The following CBFA2T3 variants were observed in gnomAD, a reference collection of about 807,000 sequenced individuals.
CBFA2T3 encodes CBFA2/RUNX1 partner transcriptional co-repressor 3.
In CBFA2T3, 31 loss-of-function variants were observed where a neutral mutation model predicts 58.6. The ratio of observed to expected loss-of-function variants is 0.53; its 90% CI spans 0.40 to 0.71. The LOEUF is 0.71. CBFA2T3 is among the 30% of genes least tolerant of loss of function. The pLI is 0.00. For missense variants in CBFA2T3, 1,076 were observed against 963.1 expected, an observed-to-expected ratio of 1.12 and a Z score of -1.55; for synonymous variants, 531 against 421.9, an observed-to-expected ratio of 1.26 and a Z score of -3.17.
intron 1 of CBFA2T3, among the ~76,000 whole-genome samples, chr16:88,960,920 G>A (rs9932459): frequency 0.18 from 27,491 of 152,200 alleles, 2,666 homozygotes; most frequent in Middle Eastern, 0.32. Flanking sequence ...TCAGATAAAC[G>A]ATAACTGATT....
chr16:88,899,174 T>C (rs1970006279), intron 2 of CBFA2T3, among the ~76,000 whole-genome samples: 2 of 150,690 alleles, frequency 1.3e-5, no homozygotes, highest in Admixed American at 1.3e-4. Flanking sequence ...CCGTTCAGAC[T>C]CAGTCTCCCA....
intron 1 of CBFA2T3, among the ~76,000 whole-genome samples, chr16:88,949,483 C>T (rs987064638): frequency 2.1e-4 from 32 of 151,312 alleles, no homozygotes; most frequent in Non-Finnish European, 3.8e-4. Flanking sequence ...CACTTGAACC[C>T]GGGAGGCGGA....
intron 1 of CBFA2T3, among the ~76,000 whole-genome samples, chr16:88,969,147 C>T (rs2067792): frequency 6.6e-6 from 1 of 152,038 alleles, no homozygotes; most frequent in Non-Finnish European, 1.5e-5. Flanking sequence ...GCCCGGATGC[C>T]GCCGGGGTCA....
chr16:88,875,602 TGA>T lies in CBFA2T3; in HGVS notation c.*1372_*1373del, dbSNP rs1968800332. The T allele has an allele frequency of 4.3e-6, 1 of 232,258 alleles. No homozygotes were observed. The highest frequency in any genetic ancestry group is 8.5e-6 in the Non-Finnish European group (1 of 117,814). The allele number at this position is 232,258 out of a possible 1,614,324, so 14.4% of individuals were successfully genotyped here. On this transcript the variant is annotated 3_prime_UTR_variant, in exon 12 of 12. Coordinates refer to ENST00000268679, the MANE Select transcript of CBFA2T3 (RefSeq NM_005187.6). ...GAGGTTGGAGTTGGGGCGATGGGGCTGAGAGAGGTCGGAGCTGGGGTGAGGGG... is the reference window on the plus strand; with the variant it reads ...GAGGTTGGAGTTGGGGCGATGGGGCTGAGAGGTCGGAGCTGGGGTGAGGGG...
At chr16:88,951,384 A>T (rs925898722) in intron 1 of CBFA2T3, 3 of 453,938 alleles carry the variant, frequency 6.6e-6, no homozygotes, top group East Asian at 1.4e-4. Flanking sequence ...TTTCCTTATC[A>T]TACAATTCTT....
At chr16:88,936,238 G>A (rs1276302354) in intron 1 of CBFA2T3, among the ~76,000 whole-genome samples, 1 of 152,128 alleles carries the variant, frequency 6.6e-6, no homozygotes, top group Non-Finnish European at 1.5e-5. Flanking sequence ...GCATTTCCTG[G>A]GCGTCTCCCA....
intron 2 of CBFA2T3, 65 bp from the exon 3 acceptor site, chr16:88,898,217 G>A: frequency 8.0e-7 from 1 of 1,248,748 alleles, no homozygotes; most frequent in South Asian, 1.2e-5. Context: ...TGCCCTCAGG[G>A]GCGCCCGCGG....
intron 1 of CBFA2T3, chr16:88,941,118 G>C: frequency 1.0e-6 from 1 of 983,900 alleles, no homozygotes; most frequent in Middle Eastern, 5.2e-4. Context: ...CCGCCTCCAC[G>C]ACTCAGGGGC....
chr16:88,891,312 G>A (rs567090199), intron 5 of CBFA2T3, among the ~76,000 whole-genome samples: 195 of 152,276 alleles, frequency 1.3e-3, no homozygotes, highest in African/African-American at 4.3e-3. Context: ...AAAACCCTGC[G>A]CTGGCTCTGC....
At chr16:88,949,354 T>C (rs2142833881) in intron 1 of CBFA2T3, among the ~76,000 whole-genome samples, 1 of 151,936 alleles carries the variant, frequency 6.6e-6, no homozygotes, top group South Asian at 2.1e-4. Context: ...AGGTCAGCAG[T>C]TCAAAACCAG....
chr16:88,892,320 G>T lies in CBFA2T3; in HGVS notation c.545C>A (p.Thr182Asn). 2 of 1,613,112 alleles carry T rather than the reference G, an allele frequency of 1.2e-6. No homozygotes were observed. The highest frequency in any genetic ancestry group is 1.1e-5 in the South Asian group (1 of 91,064). ...RQLSKLKRFL[T>N]TLQQFGSDIS... ...GTCGCTGCCAAACTGCTGCAGTGTG[G>T]TGAGGAAGCGCTTGAGCTTGCTGAG... The change falls in exon 4 of 12, where the codon ACC becomes AAC. Residue 182 changes from threonine (T) to asparagine (N), a missense_variant. Physicochemically the swap from Thr to Asn is moderately conservative, Grantham distance 65. Coordinates refer to ENST00000268679, the MANE Select transcript of CBFA2T3 (RefSeq NM_005187.6).
chr16:88,882,514 G>A (rs1012253810), intron 8 of CBFA2T3, among the ~76,000 whole-genome samples, 162 bp downstream of exon 8: 1 of 148,790 alleles, frequency 6.7e-6, no homozygotes, highest in Non-Finnish European at 1.5e-5. Flanking sequence ...TGGCTGTGTG[G>A]GCGTGGCTTG....
intron 1 of CBFA2T3, among the ~76,000 whole-genome samples, chr16:88,944,393 G>A (rs941505798): frequency 2.7e-5 from 4 of 150,340 alleles, no homozygotes; most frequent in Admixed American, 6.6e-5. Context: ...GCATGGCAGC[G>A]TTTCCAAGTA....
intron 1 of CBFA2T3, among the ~76,000 whole-genome samples, chr16:88,933,082 C>T (rs953486362): frequency 6.6e-6 from 1 of 152,240 alleles, no homozygotes; most frequent in African/African-American, 2.4e-5. Context: ...TGATGGAAGT[C>T]CGCACGCCCA....
intron 1 of CBFA2T3, among the ~76,000 whole-genome samples, chr16:88,944,200 G>T (rs543343863): frequency 6.7e-4 from 102 of 152,068 alleles, no homozygotes; most frequent in African/African-American, 2.4e-3. Context: ...AGCCGGGCGT[G>T]GTTGCAGGTG....
rs1972124458 is a variant in CBFA2T3 at position 88,953,171 on chromosome 16, G to T, written c.151+23486C>A. ...GGAGGAATGAGGAGTGCCGTGCCTG[G>T]GCTGGGCCATCGCCTCTCTCCCTCG... On this transcript the variant is annotated intron_variant, in intron 1 of 11. Coordinates refer to ENST00000268679, the MANE Select transcript of CBFA2T3 (RefSeq NM_005187.6). This position sits in a 1 kb window ranked among gnomAD's most constrained non-coding sequence, Gnocchi z 4.9. Among the ~76,000 whole-genome samples the T allele has an allele frequency of 1.3e-5, 2 of 152,156 alleles. No individual in the cohort carries two copies. The highest frequency in any genetic ancestry group is 2.9e-5 in the Non-Finnish European group (2 of 68,016).
At chr16:88,921,739 C>G (rs964524281) in intron 1 of CBFA2T3, among the ~76,000 whole-genome samples, 6 of 152,250 alleles carry the variant, frequency 3.9e-5, no homozygotes, top group Non-Finnish European at 7.3e-5. Context: ...TTTCCTGAGC[C>G]GTACATCCGC....
intron 1 of CBFA2T3, among the ~76,000 whole-genome samples, chr16:88,923,032 G>A (rs1216421679): frequency 2.0e-5 from 3 of 152,162 alleles, no homozygotes; most frequent in Admixed American, 1.3e-4. Context: ...GGCCCCCAGC[G>A]CCCTCACCTA....
intron 1 of CBFA2T3, among the ~76,000 whole-genome samples, chr16:88,947,988 G>A (rs1355910753): frequency 1.3e-5 from 2 of 152,154 alleles, no homozygotes; most frequent in South Asian, 2.1e-4. Flanking sequence ...GCACTTTTTG[G>A]TAGTAGTTTG....
Sources: gnomAD v4.1 joint callset for allele counts (sites outside exome capture counted in the v4.1 genomes callset) on GRCh38, gnomAD v4.1.1 for gene constraint, Gnocchi (gnomAD v3.1) non-coding constraint, MANE v1.5 for transcripts, NCBI Gene and HGNC (gene_info 2026-07-23, HGNC 2026-07-21) for gene names.